The following MSH3 variants were observed in gnomAD, a reference collection of about 807,000 sequenced individuals.
MSH3 encodes the protein mutS homolog 3.
Under a neutral mutation model 123.3 loss-of-function variants are expected in MSH3, and 106 were observed. The observed-to-expected ratio is 0.86, with a 90% CI of 0.73 to 1.01. The LOEUF is 1.01. MSH3 is among the 50% of genes least tolerant of loss of function. The pLI, the probability that MSH3 is intolerant of heterozygous loss-of-function variation, is 0.00. For missense variants in MSH3, 1,459 were observed against 1,347.6 expected (o/e 1.08, Z -1.29); for synonymous variants, 515 against 481.4 (o/e 1.07, Z -0.91).
At chr5:80,682,319 T>C (rs1407621413) in intron 8 of MSH3, among the ~76,000 whole-genome samples, 6 of 152,260 alleles carry the variant, frequency 3.9e-5, no homozygotes, top group Admixed American at 1.3e-4. Flanking sequence ...GCTTACCTCA[T>C]GGGGTTGTTG....
intron 19 of MSH3, among the ~76,000 whole-genome samples, chr5:80,804,798 C>G (rs79874572): frequency 0.027 from 4,054 of 152,296 alleles, 79 homozygotes; most frequent in South Asian, 0.064. Context: ...TATGTTCACT[C>G]AAGGTCCTAG....
intron 21 of MSH3, among the ~76,000 whole-genome samples, chr5:80,861,375 A>G (rs2112114490): frequency 6.6e-6 from 1 of 152,282 alleles, no homozygotes; most frequent in East Asian, 1.9e-4. Context: ...TAGGAAGGCT[A>G]GAGTGGGCTG....
At chr5:80,818,402 CA>C (rs71603566) in intron 20 of MSH3, among the ~76,000 whole-genome samples, 226 of 63,818 alleles carry the variant, frequency 3.5e-3, no homozygotes, top group African/African-American at 8.4e-3. Flanking sequence ...ATAGCAATGA[CA>C]AAAAAAAAAA....
intron 20 of MSH3, among the ~76,000 whole-genome samples, chr5:80,827,187 A>C (rs1402739710): frequency 6.6e-6 from 1 of 152,228 alleles, no homozygotes; most frequent in Non-Finnish European, 1.5e-5. Context: ...AAGCAAAACA[A>C]TTGGCCTCTT....
intron 17 of MSH3, among the ~76,000 whole-genome samples, chr5:80,785,392 C>G (rs918322524): frequency 1.3e-5 from 2 of 152,064 alleles, no homozygotes; most frequent in African/African-American, 2.4e-5. Context: ...AAATGCAAAT[C>G]AAAACCACAA....
chr5:80,856,707 TAAAA>T (rs1028678802), intron 21 of MSH3, among the ~76,000 whole-genome samples: 1 of 151,628 alleles, frequency 6.6e-6, no homozygotes, highest in East Asian at 1.9e-4. Context: ...ATAATAATAA[TAAAA>T]AAAAGAAACT....
chr5:80,845,693 C>T (rs544372911), intron 20 of MSH3, among the ~76,000 whole-genome samples: 5 of 152,222 alleles, frequency 3.3e-5, no homozygotes, highest in South Asian at 2.1e-4. Context: ...TTGGTCAAAT[C>T]GGCTATTGAA....
At chr5:80,693,530 T>TAG (rs1750387482) in intron 8 of MSH3, among the ~76,000 whole-genome samples, 1 of 143,038 alleles carries the variant, frequency 7.0e-6, no homozygotes, top group Non-Finnish European at 1.5e-5. Flanking sequence ...TGTATATGTT[T>TAG]ATATAAATAT....
At chr5:80,692,222 TTAGA>T (rs753586820) in intron 8 of MSH3, among the ~76,000 whole-genome samples, 227 of 49,792 alleles carry the variant, frequency 4.6e-3, no homozygotes, top group East Asian at 0.02. Flanking sequence ...ATGTATATGT[TTAGA>T]TAGATAAACA....
chr5:80,747,595 G>A (rs965350889), intron 12 of MSH3, among the ~76,000 whole-genome samples: 10 of 152,200 alleles, frequency 6.6e-5, no homozygotes, highest in East Asian at 1.9e-4. Flanking sequence ...CACTTGCAAC[G>A]TATTCCAAAC....
intron 17 of MSH3, among the ~76,000 whole-genome samples, chr5:80,783,891 A>G (rs1227068525): frequency 6.6e-6 from 1 of 152,170 alleles, no homozygotes; most frequent in Non-Finnish European, 1.5e-5. Context: ...CCACAGTGCA[A>G]GAGGGCAACA....
intron 20 of MSH3, among the ~76,000 whole-genome samples, chr5:80,831,768 T>C (rs1047399758): frequency 6.6e-6 from 1 of 150,456 alleles, no homozygotes. Context: ...CTGAAGTGAA[T>C]GGGAACATCT....
chr5:80,833,313 C>T (rs923539859), intron 20 of MSH3, among the ~76,000 whole-genome samples: 1 of 152,066 alleles, frequency 6.6e-6, no homozygotes, highest in Non-Finnish European at 1.5e-5. Flanking sequence ...ACTGTAAATA[C>T]AGACAGCTTG....
chr5:80,800,758 C>T (rs1352171619), intron 19 of MSH3, among the ~76,000 whole-genome samples: 2 of 152,140 alleles, frequency 1.3e-5, no homozygotes, highest in African/African-American at 4.8e-5. Flanking sequence ...TGTGCCAAGC[C>T]TTGTTCTAGG....
At position 80,733,307 on chromosome 5, in the gene MSH3, G is replaced by A. The variant is rs570841422; in HGVS notation, c.1568+4342G>A. 6.6e-5 allele frequency among the ~76,000 whole-genome samples: 10 copies of A among 152,272 alleles called. No homozygotes were observed. The East Asian group carries it at 1.9e-3, about 29-fold the overall frequency. On this transcript the variant is annotated intron_variant, in intron 10 of 23. Transcript: ENST00000265081. The stretch of plus-strand genomic sequence containing the variant: ...GAATGAAGTTGGACCCTTACTTCAT[G>A]TCATATTTGAGTTTGGAAGATAAAA...
intron 12 of MSH3, among the ~76,000 whole-genome samples, chr5:80,754,780 A>G (rs901372108): frequency 1.3e-5 from 2 of 152,194 alleles, no homozygotes; most frequent in African/African-American, 2.4e-5. Flanking sequence ...TGTTCTCTAC[A>G]TTAAATGGCT....
At chr5:80,665,493 C>G (rs1824838) in intron 3 of MSH3, 130 bp downstream of exon 3, 7 of 709,776 alleles carry the variant, frequency 9.9e-6, no homozygotes, top group East Asian at 2.7e-5. Context: ...TCTGAGGGAG[C>G]TTTTGTGTTT....
At chr5:80,782,063 CTTA>C (rs1744419402) in intron 17 of MSH3, among the ~76,000 whole-genome samples, 1 of 151,976 alleles carries the variant, frequency 6.6e-6, no homozygotes, top group African/African-American at 2.4e-5. Context: ...ATTATATATG[CTTA>C]TTATTGTATT....
At position 80,672,338 on chromosome 5, in the gene MSH3, G is replaced by T. The variant is rs746594395; in HGVS notation, c.887G>T (p.Arg296Leu). The T allele has an allele frequency of 3.7e-6, 6 of 1,613,300 alleles. No homozygotes were observed. The highest frequency in any genetic ancestry group is 5.1e-6 in the Non-Finnish European group (6 of 1,179,486). The change falls in exon 5 of 24, where the codon CGC becomes CTC. Residue 296 changes from arginine to leucine, a missense_variant. Transcript: ENST00000265081. ...CACAGACTGTTTGTTCATGTACGCC[G>T]CCTGGTGGCAAAAGGATATAAGGTC... ...PTHRLFVHVRRLVAKGYKVGV... is the reference protein window; with the variant it reads ...PTHRLFVHVRLLVAKGYKVGV...
Sources: allele counts gnomAD v4.1 joint callset (sites outside exome capture counted in the v4.1 genomes callset), GRCh38; gene constraint gnomAD v4.1.1; transcripts MANE v1.5; gene names NCBI Gene and HGNC (gene_info 2026-07-23, HGNC 2026-07-21).